The following FAM53A variants were observed in gnomAD, a reference collection of about 807,000 sequenced individuals.
FAM53A encodes the protein family with sequence similarity 53 member A.
Under a neutral mutation model 26.6 loss-of-function variants are expected in FAM53A, and 28 were observed. The observed-to-expected ratio is 1.05, with a 90% confidence interval of 0.78 to 1.45. The LOEUF (loss-of-function observed/expected upper bound fraction) is 1.45, where lower values mean the gene tolerates loss of function less well. Among genes scored for constraint, FAM53A ranks in the 40% most tolerant of loss-of-function variants. FAM53A has a pLI of 0.00. For missense variants in FAM53A, 650 were observed against 575.8 expected (o/e 1.13, Z -1.32); for synonymous variants, 290 against 253.1 (o/e 1.15, Z -1.38).
rs11248072 is a variant in FAM53A, at chr4:1,671,491, C to A, written c.-164-2586G>T. Among the ~76,000 whole-genome samples the A allele has an allele frequency of 1.8e-3, 3 of 1,672 alleles. 1 individual carries two copies. Among genetic ancestry groups the A allele is most frequent in the Non-Finnish European group, 0.05 (2 of 40 alleles). 1.1% of individuals were successfully genotyped at this position (1,672 alleles called of 152,430 possible). ...TCACCTCTGTCCCAGCGTCAGAGCC[C>A]CCAGCTCACAGCCACAGCCACGGCC... On this transcript the variant is annotated intron_variant, in intron 1 of 4. Transcript: ENST00000308132.
the FAM53A span, among the ~76,000 whole-genome samples, chr4:1,595,991 C>T: frequency 6.6e-6 from 1 of 152,252 alleles, no homozygotes; most frequent in Non-Finnish European, 1.5e-5. Flanking sequence ...GGACCAGCAC[C>T]ACCATCTTGA....
At chr4:1,593,024 C>T in the FAM53A span, among the ~76,000 whole-genome samples, 1 of 152,184 alleles carries the variant, frequency 6.6e-6, no homozygotes, top group South Asian at 2.1e-4. Context: ...GGGTCACTTT[C>T]TCCCCAGTGC....
At chr4:1,656,475 C>T (rs551876428) in intron 3 of FAM53A, among the ~76,000 whole-genome samples, 2 of 152,032 alleles carry the variant, frequency 1.3e-5, no homozygotes, top group African/African-American at 4.8e-5. Flanking sequence ...CCTGGGATGA[C>T]CTTGGGGTGA....
the FAM53A span, among the ~76,000 whole-genome samples, chr4:1,607,308 T>C: frequency 6.6e-6 from 1 of 151,782 alleles, no homozygotes; most frequent in Non-Finnish European, 1.5e-5. Context: ...TGTGAGCCAC[T>C]GCATCCAGCC....
At chr4:1,614,350 A>AGTGAGGGGCATGCAGAGAC (rs1714729229), downstream of FAM53A, among the ~76,000 whole-genome samples, 5 of 136,812 alleles carry the variant, frequency 3.7e-5, no homozygotes, top group African/African-American at 1.6e-4. Flanking sequence ...GATACAGAGA[A>AGTGAGGGGCATGCAGAGAC]GTGAGGGGGA....
chr4:1,621,101 CTTTTTTTT>C (rs574102929), intron 1 of FAM53A, among the ~76,000 whole-genome samples: 1 of 95,488 alleles, frequency 1.0e-5, no homozygotes, highest in East Asian at 3.2e-4. Context: ...AGCTACGCTA[CTTTTTTTT>C]TTTTTTTTTT....
At chr4:1,606,916 AT>A in the FAM53A span, among the ~76,000 whole-genome samples, 1 of 152,234 alleles carries the variant, frequency 6.6e-6, no homozygotes, top group Non-Finnish European at 1.5e-5. Flanking sequence ...GGAAGCTGCC[AT>A]GCTGTTCCCC....
intron 4 of FAM53A, among the ~76,000 whole-genome samples, chr4:1,651,700 G>A (rs1257434099): frequency 3.0e-5 from 4 of 132,842 alleles, no homozygotes; most frequent in East Asian, 1.9e-4. Flanking sequence ...GGTGACCAGC[G>A]CTTGCATGGA....
chr4:1,602,959 G>A, the FAM53A span, among the ~76,000 whole-genome samples: 145 of 152,248 alleles, frequency 9.5e-4, 1 homozygote, highest in African/African-American at 3.2e-3. Flanking sequence ...CATGGGGGCC[G>A]CCCTCCTGGC....
rs557017998 is a variant in FAM53A, at chr4:1,629,888, G to A, written c.432-11777C>T. ...GCCCAGCTCCACCACACACGGCCTC[G>A]CTGGGGACAGCCTGGGCCTCACACC... On this transcript the variant is annotated intron_variant, in intron 1 of 1. Transcript: ENST00000489029. 3.1e-4 allele frequency among the ~76,000 whole-genome samples: 47 copies of A among 151,524 alleles called. 1 individual carries two copies. Among genetic ancestry groups the A allele is most frequent in the Non-Finnish European group, 5.0e-4 (34 of 67,822 alleles).
intron 4 of FAM53A, among the ~76,000 whole-genome samples, chr4:1,649,256 AAAG>A (rs1712538972): frequency 6.6e-6 from 1 of 151,998 alleles, no homozygotes; most frequent in African/African-American, 2.4e-5. Flanking sequence ...AAAGAGAAAG[AAAG>A]AAGGAAACAA....
intron 4 of FAM53A, among the ~76,000 whole-genome samples, chr4:1,648,572 C>T (rs1037616060): frequency 1.3e-5 from 2 of 152,258 alleles, no homozygotes; most frequent in Admixed American, 1.3e-4. Context: ...TTTGATGAGG[C>T]CCTCTCCCCA....
chr4:1,592,698 G>A, the FAM53A span, among the ~76,000 whole-genome samples: 3 of 152,186 alleles, frequency 2.0e-5, no homozygotes, highest in East Asian at 1.9e-4. Flanking sequence ...CAGCATGGAA[G>A]GAAGGAGGTG....
At chr4:1,653,175 C>T (rs1172797058) in intron 4 of FAM53A, among the ~76,000 whole-genome samples, 1 of 152,056 alleles carries the variant, frequency 6.6e-6, no homozygotes, top group Admixed American at 6.5e-5. Context: ...TGACGGCAGC[C>T]CTGCCCTTCT....
intron 4 of FAM53A, among the ~76,000 whole-genome samples, chr4:1,653,247 G>C (rs1221939475): frequency 1.3e-5 from 2 of 152,102 alleles, no homozygotes; most frequent in Non-Finnish European, 2.9e-5. Context: ...CCTGGGTCTG[G>C]CGAGTCCTTG....
At chr4:1,673,394 G>T (rs542485633) in intron 1 of FAM53A, among the ~76,000 whole-genome samples, 10 of 152,292 alleles carry the variant, frequency 6.6e-5, no homozygotes, top group African/African-American at 2.2e-4. Flanking sequence ...ACAGAGAAAC[G>T]ATGACGTGTG....
intron 1 of FAM53A, among the ~76,000 whole-genome samples, chr4:1,679,819 C>T (rs1243150672): frequency 6.6e-6 from 1 of 151,680 alleles, no homozygotes; most frequent in Non-Finnish European, 1.5e-5. Flanking sequence ...GAGACCGAGG[C>T]GGGTGGATCA....
At chr4:1,614,997 A>C (rs59496708), downstream of FAM53A, among the ~76,000 whole-genome samples, 5,388 of 152,226 alleles carry the variant, frequency 0.035, 335 homozygotes, top group African/African-American at 0.12. Flanking sequence ...GCACACGCAA[A>C]CCACAAAAAA....
At chr4:1,607,796 T>C in the FAM53A span, among the ~76,000 whole-genome samples, 3 of 152,072 alleles carry the variant, frequency 2.0e-5, no homozygotes, top group African/African-American at 4.8e-5. Context: ...CAAAATTAGC[T>C]GGGCGTGGAG....
Sources: gnomAD v4.1 joint callset for allele counts (sites outside exome capture counted in the v4.1 genomes callset) on GRCh38, gnomAD v4.1.1 for gene constraint, MANE v1.5 for transcripts, NCBI Gene and HGNC (gene_info 2026-07-23, HGNC 2026-07-21) for gene names.